The following TENM2 variants were observed in gnomAD, a reference collection of about 807,000 sequenced individuals.
The protein encoded by TENM2 is teneurin-2.
In TENM2, 52 loss-of-function variants were observed where a neutral mutation model predicts 245.2. The ratio of observed to expected loss-of-function variants is 0.21; its 90% CI spans 0.17 to 0.27. The LOEUF (loss-of-function observed/expected upper bound fraction) is 0.27, where lower values mean the gene tolerates loss of function less well. Ranked by LOEUF, TENM2 falls within the 10% of genes least tolerant of loss-of-function variation. The pLI is 1.00. For synonymous variants in TENM2, 1,363 were observed against 1,438.9 expected (o/e 0.95, Z 1.19); for missense variants, 3,046 against 3,666.8 (o/e 0.83, Z 4.37).
chr5:167,691,547 C>T (rs893209793), intron 2 of TENM2, among the ~76,000 whole-genome samples: 1 of 152,172 alleles, frequency 6.6e-6, no homozygotes, highest in African/African-American at 2.4e-5. Flanking sequence ...TCCCTTATAT[C>T]CCATTTCTCC....
intron 2 of TENM2, among the ~76,000 whole-genome samples, chr5:167,453,750 A>C (rs1402972849): frequency 6.6e-6 from 1 of 152,212 alleles, no homozygotes; most frequent in East Asian, 1.9e-4. Context: ...AAATTGAGCC[A>C]ATGTGTAAAC....
chr5:167,165,718 A>G, the TENM2 span, among the ~76,000 whole-genome samples: 1 of 152,246 alleles, frequency 6.6e-6, no homozygotes, highest in African/African-American at 2.4e-5. Context: ...CATAAGATGT[A>G]TGAAATATAA....
intron 5 of TENM2, among the ~76,000 whole-genome samples, chr5:168,005,567 C>T (rs1784762460): frequency 6.6e-6 from 1 of 152,160 alleles, no homozygotes; most frequent in Non-Finnish European, 1.5e-5. Flanking sequence ...CCAGATTGGA[C>T]TAAAGTGGCT....
chr5:167,487,715 T>C (rs2127538392), intron 2 of TENM2, among the ~76,000 whole-genome samples: 1 of 152,312 alleles, frequency 6.6e-6, no homozygotes, highest in South Asian at 2.1e-4. Context: ...TAAAGAGCTA[T>C]GTTAAATGTA....
the TENM2 span, among the ~76,000 whole-genome samples, chr5:167,113,028 A>T: frequency 1.3e-5 from 2 of 152,220 alleles, no homozygotes; most frequent in Non-Finnish European, 2.9e-5. Flanking sequence ...GGAGATGTGT[A>T]TATAAGGGAG....
chr5:167,814,898 ATG>A (rs1224023104), intron 2 of TENM2, among the ~76,000 whole-genome samples: 1 of 152,152 alleles, frequency 6.6e-6, no homozygotes, highest in Non-Finnish European at 1.5e-5. Context: ...AATACCCAGA[ATG>A]TGTGAGGAAA....
chr5:167,791,800 G>A (rs1311408774), intron 2 of TENM2, among the ~76,000 whole-genome samples: 1 of 151,962 alleles, frequency 6.6e-6, no homozygotes, highest in African/African-American at 2.4e-5. Context: ...ATTTCCAATT[G>A]CTCTTGAAAC....
intron 4 of TENM2, among the ~76,000 whole-genome samples, chr5:167,975,109 C>T (rs1427077187): frequency 6.6e-6 from 1 of 152,238 alleles, no homozygotes; most frequent in Non-Finnish European, 1.5e-5. Flanking sequence ...GTCTAACATG[C>T]CACCTCCCTG....
At chr5:167,448,223 G>A (rs1765347037) in intron 2 of TENM2, among the ~76,000 whole-genome samples, 2 of 152,016 alleles carry the variant, frequency 1.3e-5, no homozygotes, top group African/African-American at 2.4e-5. Flanking sequence ...GTACCAGTGC[G>A]ACCAAAGACA....
chr5:167,854,419 C>G (rs1770880282), intron 2 of TENM2, among the ~76,000 whole-genome samples: 1 of 152,206 alleles, frequency 6.6e-6, no homozygotes, highest in African/African-American at 2.4e-5. Context: ...GAAATATGTG[C>G]TGCGTCTTCT....
intron 2 of TENM2, among the ~76,000 whole-genome samples, chr5:167,743,878 T>A (rs1471174426): frequency 6.6e-6 from 1 of 152,232 alleles, no homozygotes; most frequent in Non-Finnish European, 1.5e-5. Context: ...TTCTTGAATC[T>A]GTTCCAGGGG....
At chr5:168,066,796 T>C (rs1354701543) in intron 7 of TENM2, among the ~76,000 whole-genome samples, 7 of 152,202 alleles carry the variant, frequency 4.6e-5, no homozygotes, top group Non-Finnish European at 1.0e-4. Flanking sequence ...GCCAGATATC[T>C]GAAATCCTAC....
At position 167,541,238 on chromosome 5, in the gene TENM2, T is replaced by G. The variant is rs2127604560; in HGVS notation, c.502+165765T>G. Among the ~76,000 whole-genome samples, 2 of 152,320 alleles carry G rather than the reference T, an allele frequency of 1.3e-5. 1 individual carries two copies. Among genetic ancestry groups the G allele is most frequent in the South Asian group, 4.1e-4 (2 of 4,830 alleles). On this transcript the variant is annotated intron_variant, in intron 2 of 28. Coordinates refer to ENST00000518659, the Ensembl canonical transcript of TENM2. ...AATGCAAGTTTCAATGATGTTGTTC[T>G]TATTTTTTCACTCGTAAAAATCTCT...
At chr5:168,092,301 A>C (rs1049946239) in intron 8 of TENM2, among the ~76,000 whole-genome samples, 2 of 152,234 alleles carry the variant, frequency 1.3e-5, no homozygotes, top group South Asian at 2.1e-4. Flanking sequence ...AAATGGTCCA[A>C]AGCAGGAGTT....
intron 2 of TENM2, among the ~76,000 whole-genome samples, chr5:167,610,772 G>A (rs538880520): frequency 3.9e-4 from 60 of 152,180 alleles, no homozygotes; most frequent in South Asian, 8.3e-4. Context: ...CATTTCCATG[G>A]GATATTTTAG....
chr5:167,598,867 T>C (rs1206996036), intron 2 of TENM2, among the ~76,000 whole-genome samples: 1 of 152,220 alleles, frequency 6.6e-6, no homozygotes, highest in East Asian at 1.9e-4. Context: ...GCATAATTTA[T>C]ACCGCAGGTT....
At chr5:167,106,672 T>C in the TENM2 span, among the ~76,000 whole-genome samples, 2 of 151,956 alleles carry the variant, frequency 1.3e-5, no homozygotes, top group Admixed American at 1.3e-4. Context: ...GGAGAAGTCC[T>C]AGGCAGGGTG....
At chr5:168,010,496 T>A (rs1263781785) in intron 5 of TENM2, among the ~76,000 whole-genome samples, 1 of 152,224 alleles carries the variant, frequency 6.6e-6, no homozygotes, top group Non-Finnish European at 1.5e-5. Context: ...GAGCAGCCTC[T>A]CCCTCAAGTT....
chr5:167,872,725 T>C (rs1773090799), intron 2 of TENM2, among the ~76,000 whole-genome samples: 1 of 152,238 alleles, frequency 6.6e-6, no homozygotes, highest in African/African-American at 2.4e-5. Flanking sequence ...AATTCTGTGA[T>C]GCGTATTCTC....
Sources: allele counts gnomAD v4.1 joint callset (sites outside exome capture counted in the v4.1 genomes callset), GRCh38; gene constraint gnomAD v4.1.1; transcripts MANE v1.5; gene names NCBI Gene and HGNC (gene_info 2026-07-23, HGNC 2026-07-21).